The following RTTN variants were observed in gnomAD, a reference collection of about 807,000 sequenced individuals.
RTTN encodes the protein rotatin.
A neutral mutation model predicts 269.2 loss-of-function variants in RTTN; 182 were observed. The observed-to-expected ratio is 0.68, with a 90% CI of 0.60 to 0.76. RTTN has a LOEUF of 0.76. Among genes scored for constraint, RTTN ranks in the 30% least tolerant of loss-of-function variants. RTTN has a pLI of 0.00. For missense variants in RTTN, 2,545 were observed against 2,608.6 expected, an observed-to-expected ratio of 0.98 and a Z score of 0.53; for synonymous variants, 1,006 against 963.5, an observed-to-expected ratio of 1.04 and a Z score of -0.82.
chr18:70,165,552 G>A (rs1053015508), intron 14 of RTTN, among the ~76,000 whole-genome samples: 3 of 151,658 alleles, frequency 2.0e-5, no homozygotes, highest in Admixed American at 1.3e-4. Flanking sequence ...TCAAGAGTAC[G>A]CAGTAATATA....
At chr18:70,117,191 AT>A (rs2059623279) in intron 26 of RTTN, among the ~76,000 whole-genome samples, 1 of 152,016 alleles carries the variant, frequency 6.6e-6, no homozygotes, top group Non-Finnish European at 1.5e-5. Context: ...TATCTGCCTA[AT>A]TTTGTTTTTG....
At position 70,003,230 on chromosome 18, in the gene RTTN, G is replaced by T. The variant is rs1599057086; in HGVS notation, c.*921C>A. The T allele has an allele frequency of 6.6e-6, 1 of 151,946 alleles. No individual in the cohort carries two copies. The highest frequency in any genetic ancestry group is 2.4e-5 in the African/African-American group (1 of 41,442). 9.4% of individuals were successfully genotyped at this position (151,946 alleles called of 1,614,324 possible). ...ATTTTTGTATTTTTAGGAGAGATGG[G>T]ATTTCACCAAGTTGCCCAAGCTGGT... On this transcript the variant is annotated 3_prime_UTR_variant, in exon 49 of 49. Coordinates refer to ENST00000640769, the MANE Select transcript of RTTN (RefSeq NM_173630.4).
rs565333925 is a variant in RTTN, at chr18:70,040,585, A to C, written c.5541+7386T>G. On this transcript the variant is annotated intron_variant, in intron 40 of 48. Coordinates refer to ENST00000640769, the MANE Select transcript of RTTN (RefSeq NM_173630.4). ...AGATCTTCCAGAAAGAAAATCACCA[A>C]AGAAACACTGGATTTAATCTGCACT... Among the ~76,000 whole-genome samples the C allele has an allele frequency of 8.5e-5, 13 of 152,340 alleles. No homozygotes were observed. The South Asian group carries it at 2.5e-3, about 29-fold the overall frequency.
chr18:70,134,586 A>G (rs747725808), intron 22 of RTTN, 45 bp from the exon 23 acceptor site: 5 of 1,412,530 alleles, frequency 3.5e-6, no homozygotes, highest in Non-Finnish European at 3.9e-6. Context: ...AACTGAGTAG[A>G]CCAAGTTTTG....
At chr18:70,116,694 T>A (rs963832004) in intron 26 of RTTN, among the ~76,000 whole-genome samples, 1 of 152,122 alleles carries the variant, frequency 6.6e-6, no homozygotes, top group Admixed American at 6.6e-5. Flanking sequence ...TCTATAATGA[T>A]GGCTCATTTT....
intron 12 of RTTN, among the ~76,000 whole-genome samples, chr18:70,167,705 A>C: frequency 7.0e-6 from 1 of 142,698 alleles, no homozygotes; most frequent in East Asian, 1.9e-4. Flanking sequence ...TTTCGTCTCA[A>C]AAAAAAAAAA....
chr18:70,082,442 T>C (rs1489228358), intron 32 of RTTN, among the ~76,000 whole-genome samples: 2 of 152,130 alleles, frequency 1.3e-5, no homozygotes, highest in African/African-American at 2.4e-5. Context: ...CAATAATCCA[T>C]CTCTAATCAA....
intron 32 of RTTN, among the ~76,000 whole-genome samples, chr18:70,085,285 T>G (rs1239053292): frequency 6.6e-6 from 1 of 152,146 alleles, no homozygotes; most frequent in Non-Finnish European, 1.5e-5. Flanking sequence ...GAAGGCAATG[T>G]TAAAGAAATT....
At chr18:70,131,340 T>C (rs558201349) in intron 23 of RTTN, 1 of 151,130 alleles carries the variant, frequency 6.6e-6, no homozygotes, top group Non-Finnish European at 1.5e-5. Flanking sequence ...TAACATCTTA[T>C]AGAATTTAAA....
chr18:70,052,586 C>T (rs2057700548), intron 38 of RTTN, among the ~76,000 whole-genome samples: 1 of 150,518 alleles, frequency 6.6e-6, no homozygotes, highest in South Asian at 2.1e-4. Flanking sequence ...CCTATTAATA[C>T]CAAATTTAGC....
chr18:70,093,083 T>C (rs1343519723), intron 28 of RTTN, among the ~76,000 whole-genome samples: 1 of 152,170 alleles, frequency 6.6e-6, no homozygotes, highest in African/African-American at 2.4e-5. Context: ...TGGACACCTG[T>C]AGTCCCAGCT....
chr18:70,142,619 T>G (rs2060286096), intron 18 of RTTN, among the ~76,000 whole-genome samples: 1 of 152,202 alleles, frequency 6.6e-6, no homozygotes, highest in South Asian at 2.1e-4. Context: ...ATTTACACAG[T>G]CATCAACAGT....
intron 3 of RTTN, among the ~76,000 whole-genome samples, chr18:70,202,219 G>A (rs2061972124): frequency 6.6e-6 from 1 of 152,132 alleles, no homozygotes; most frequent in South Asian, 2.1e-4. Flanking sequence ...GCCAAACACA[G>A]TTATTTGTTA....
chr18:70,171,225 T>A (rs1429066977), intron 11 of RTTN, among the ~76,000 whole-genome samples: 1 of 152,052 alleles, frequency 6.6e-6, no homozygotes, highest in Non-Finnish European at 1.5e-5. Flanking sequence ...AGTCCTGGGG[T>A]TCCACTCCTG....
At chr18:70,122,990 C>A (rs2059777156) in intron 25 of RTTN, among the ~76,000 whole-genome samples, 1 of 151,986 alleles carries the variant, frequency 6.6e-6, no homozygotes, top group Non-Finnish European at 1.5e-5. Context: ...CTTGAAGACA[C>A]AAGACACTCT....
chr18:70,011,886 G>A (rs1339027838), intron 46 of RTTN, among the ~76,000 whole-genome samples: 1 of 151,558 alleles, frequency 6.6e-6, no homozygotes, highest in African/African-American at 2.4e-5. Flanking sequence ...CTGCTCACTG[G>A]TGTTAGATAG....
At position 70,078,187 on chromosome 18, in the gene RTTN, TAA is replaced by T. The variant is rs138299251; in HGVS notation, c.4375-2648_4375-2647del. Among the ~76,000 whole-genome samples the T allele has an allele frequency of 2.0e-5, 3 of 151,878 alleles. No individual in the cohort carries two copies. In the South Asian group the frequency reaches 6.2e-4, roughly 32 times the overall value. On this transcript the variant is annotated intron_variant, in intron 32 of 48. Transcript: ENST00000640769. Reference sequence around the variant, plus strand: ...AAAGAAAACATCAGCCATAAAGAAGTAAAAAGAGTCAGATGAAAATTCAACTT... The same window carrying T: ...AAAGAAAACATCAGCCATAAAGAAGTAAAGAGTCAGATGAAAATTCAACTT...
In RTTN at chr18:70,109,601, A is replaced by G; in HGVS notation, c.3800T>C (p.Leu1267Ser). The G allele has an allele frequency of 6.2e-7, 1 of 1,614,152 alleles. No homozygotes were observed. The highest frequency in any genetic ancestry group is 8.5e-7 in the Non-Finnish European group (1 of 1,180,006). ...FYGLPSLERTLRGMANLTAFP... is the reference protein window; with the variant it reads ...FYGLPSLERTSRGMANLTAFP... ...CGCAGTGAGGTTAGCCATCCCTCGT[A>G]AGGTCCGCTCAAGGGACGGCAGGCC... Residue 1267 changes from leucine to serine, a missense_variant, in exon 28 of 49, where the codon TTA becomes TCA. Physicochemically the swap from Leu to Ser is moderately radical, Grantham distance 145. Transcript: ENST00000640769.
chr18:70,103,810 T>C (rs1452984000), intron 28 of RTTN, among the ~76,000 whole-genome samples: 2 of 151,446 alleles, frequency 1.3e-5, no homozygotes, highest in African/African-American at 4.9e-5. Context: ...ATGTTGAATA[T>C]TGGCCCCCAC....
Sources: allele counts gnomAD v4.1 joint callset (sites outside exome capture counted in the v4.1 genomes callset), GRCh38; gene constraint gnomAD v4.1.1; transcripts MANE v1.5; gene names NCBI Gene and HGNC (gene_info 2026-07-23, HGNC 2026-07-21).